Variants in PKD2L2 observed in about 807,000 individuals in gnomAD.
PKD2L2 encodes the protein polycystin-2-like protein 2.
Under a neutral mutation model 83.9 loss-of-function variants are expected in PKD2L2, and 67 were observed. The ratio of observed to expected loss-of-function variants is 0.80; its 90% CI spans 0.66 to 0.98. The LOEUF is 0.98. Among genes scored for constraint, PKD2L2 ranks in the 50% least tolerant of loss-of-function variants. The probability of loss-of-function intolerance (pLI) is 0.00; values close to 1 mark genes in which losing one functional copy is unlikely to be tolerated. For missense variants in PKD2L2, 632 were observed against 717.2 expected (o/e 0.88, Z 1.36); for synonymous variants, 223 against 237.8 (o/e 0.94, Z 0.57).
In PKD2L2 at chr5:137,913,871, C is replaced by CT. The variant is rs757741042; in HGVS notation, c.1328+4938dup. 1.8e-3 allele frequency among the ~76,000 whole-genome samples: 256 copies of CT among 139,840 alleles called. No homozygotes were observed. In the Middle Eastern group the frequency reaches 0.018, roughly 10 times the overall value. 91.7% of individuals were successfully genotyped at this position (139,840 alleles called of 152,430 possible). The stretch of plus-strand genomic sequence containing the variant: ...CAGCTTTTCTTTCTTTTTTCTTTTC[C>CT]TTTTTTTTTTTTTCCCGATGAGGTC... On this transcript the variant is annotated intron_variant, in intron 8 of 14. Coordinates refer to ENST00000508883, the MANE Select transcript of PKD2L2 (RefSeq NM_001300921.2).
intron 14 of PKD2L2, 66 bp downstream of exon 14, chr5:137,936,493 A>C: frequency 7.3e-7 from 1 of 1,366,854 alleles, no homozygotes. Context: ...TCTCGCTCTA[A>C]CGCCCAGGCT....
At chr5:137,914,993 T>C (rs1288260147) in intron 8 of PKD2L2, among the ~76,000 whole-genome samples, 2 of 152,346 alleles carry the variant, frequency 1.3e-5, no homozygotes, top group East Asian at 1.9e-4. Flanking sequence ...TGGTATATGA[T>C]CCTTTTAATA....
chr5:137,893,849 T>G (rs1376693250), intron 3 of PKD2L2, among the ~76,000 whole-genome samples: 1 of 152,156 alleles, frequency 6.6e-6, no homozygotes, highest in African/African-American at 2.4e-5. Flanking sequence ...ACTTTGTTAT[T>G]GTGTTTTCTG....
chr5:137,900,749 C>T (rs1269857201), intron 5 of PKD2L2, among the ~76,000 whole-genome samples: 1 of 152,272 alleles, frequency 6.6e-6, no homozygotes, highest in Non-Finnish European at 1.5e-5. Context: ...GCACTTTTTG[C>T]AAAATGCCTT....
At chr5:137,892,656 C>T (rs761481352) in intron 3 of PKD2L2, 43 bp downstream of exon 3, 3 of 1,553,270 alleles carry the variant, frequency 1.9e-6, no homozygotes, top group Non-Finnish European at 2.6e-6. Context: ...TTTAGGTAGT[C>T]CATGAACCCT....
intron 1 of PKD2L2, 114 bp from the exon 2 acceptor site, chr5:137,890,367 A>G (rs1755853384): frequency 1.6e-6 from 1 of 643,782 alleles, no homozygotes; most frequent in South Asian, 2.0e-5. Context: ...GCCAGAAGCT[A>G]TTGGAGCTTT....
chr5:137,895,779 AAGGC>A (rs1280831620), intron 4 of PKD2L2, among the ~76,000 whole-genome samples: 5 of 150,746 alleles, frequency 3.3e-5, no homozygotes, highest in Non-Finnish European at 7.4e-5. Flanking sequence ...TCAGGAGACT[AAGGC>A]ACAAGAATCA....
chr5:137,897,477 C>T (rs961044234), intron 4 of PKD2L2, among the ~76,000 whole-genome samples: 1 of 152,080 alleles, frequency 6.6e-6, no homozygotes. Flanking sequence ...TTTTAATATT[C>T]CAAATTCTCA....
chr5:137,903,935 T>C (rs1482260082), intron 5 of PKD2L2, among the ~76,000 whole-genome samples: 2 of 152,114 alleles, frequency 1.3e-5, no homozygotes, highest in African/African-American at 4.8e-5. Flanking sequence ...TTTTGTATTT[T>C]AGTAGAGACG....
chr5:137,915,029 T>C (rs1561691985), intron 8 of PKD2L2, among the ~76,000 whole-genome samples: 2 of 152,228 alleles, frequency 1.3e-5, no homozygotes, highest in African/African-American at 4.8e-5. Flanking sequence ...CTTGCTAGTA[T>C]TTATTAAGGA....
At chr5:137,924,108 G>T (rs1759171204) in intron 10 of PKD2L2, among the ~76,000 whole-genome samples, 1 of 152,160 alleles carries the variant, frequency 6.6e-6, no homozygotes, top group African/African-American at 2.4e-5. Context: ...GAGGCTTTCA[G>T]TACTTTTCGC....
chr5:137,922,261 G>A (rs1758975040), intron 9 of PKD2L2, among the ~76,000 whole-genome samples: 1 of 152,200 alleles, frequency 6.6e-6, no homozygotes. Context: ...GTCAGGCACG[G>A]AAGTTATCCC....
intron 12 of PKD2L2, among the ~76,000 whole-genome samples, chr5:137,928,383 CAA>C (rs57825667): frequency 0.86 from 96,214 of 111,722 alleles, 41,253 homozygotes; most frequent in East Asian, 0.95. Context: ...ACAAAAAGTA[CAA>C]AAAAAAAAAA....
At chr5:137,897,301 C>T (rs1439589576) in intron 4 of PKD2L2, among the ~76,000 whole-genome samples, 1 of 152,046 alleles carries the variant, frequency 6.6e-6, no homozygotes, top group Non-Finnish European at 1.5e-5. Flanking sequence ...AAGCAATTCA[C>T]CCGCCTCGGC....
At position 137,906,454 on chromosome 5, in the gene PKD2L2, T is replaced by C. The variant is rs753623445; in HGVS notation, c.975+20T>C. 13 of 1,317,982 alleles carry C rather than the reference T, an allele frequency of 9.9e-6. No homozygotes were observed. Among genetic ancestry groups the C allele is most frequent in the African/African-American group, 2.9e-5 (2 of 68,896 alleles). The allele number at this position is 1,317,982 out of a possible 1,614,324, so 81.6% of individuals were successfully genotyped here. On this transcript the variant is annotated intron_variant, in intron 6 of 14. Transcript: ENST00000508883. ...TTGCTGGTGAGTATATATTCATGTG[T>C]ATGGTTGAAGGGGATCACATCTGAA...
chr5:137,897,033 ATAT>A (rs10536140), intron 4 of PKD2L2, among the ~76,000 whole-genome samples: 52,965 of 136,582 alleles, frequency 0.39, 10,729 homozygotes, highest in Non-Finnish European at 0.44. Context: ...ATACATTATT[ATAT>A]TATTATTATT....
rs112718472 is a variant in PKD2L2, at chr5:137,925,183, G to GT, written c.1616+85dup. 1.2e-4 allele frequency: 111 copies of GT among 920,436 alleles called. 5 individuals carry two copies. Among genetic ancestry groups the GT allele is most frequent in the African/African-American group, 1.0e-3 (60 of 59,890 alleles). The allele number at this position is 920,436 out of a possible 1,614,324, so 57.0% of individuals were successfully genotyped here. ...ATGAGAACCTTATAAGGTTTTTTTT[G>GT]TTTTTTGTTTGTTTGTTTGTTTTAA... On this transcript the variant is annotated intron_variant, in intron 11 of 14. Transcript: ENST00000508883.
At chr5:137,916,745 G>A (rs936845390) in intron 8 of PKD2L2, among the ~76,000 whole-genome samples, 2 of 152,046 alleles carry the variant, frequency 1.3e-5, no homozygotes, top group Admixed American at 1.3e-4. Flanking sequence ...CCAAAGTGCA[G>A]GGATTACAGG....
intron 5 of PKD2L2, among the ~76,000 whole-genome samples, chr5:137,905,471 C>G (rs911608191): frequency 6.6e-6 from 1 of 151,932 alleles, no homozygotes; most frequent in African/African-American, 2.4e-5. Flanking sequence ...TTGGGAGCAC[C>G]TTATAAGAGT....
Sources: allele counts gnomAD v4.1 joint callset (sites outside exome capture counted in the v4.1 genomes callset), GRCh38; gene constraint gnomAD v4.1.1; transcripts MANE v1.5; gene names NCBI Gene and HGNC (gene_info 2026-07-23, HGNC 2026-07-21).